Variants in CTNNA3 observed in about 807,000 individuals in gnomAD.
CTNNA3 encodes catenin alpha-3.
A neutral mutation model predicts 95.7 loss-of-function variants in CTNNA3; 76 were observed. That is an observed-to-expected ratio of 0.79 (90% CI 0.66 to 0.96). The LOEUF (loss-of-function observed/expected upper bound fraction) is 0.96, where lower values mean the gene tolerates loss of function less well. Ranked by LOEUF, CTNNA3 falls within the 40% of genes least tolerant of loss-of-function variation. The pLI is 0.00. For missense variants in CTNNA3, 1,191 were observed against 1,089.8 expected, an observed-to-expected ratio of 1.09 and a Z score of -1.31; for synonymous variants, 431 against 374.4, an observed-to-expected ratio of 1.15 and a Z score of -1.74.
rs191477726 is a variant in CTNNA3, at chr10:66,345,644, A to G, written c.1732+33508T>C. On this transcript the variant is annotated intron_variant, in intron 12 of 17. Coordinates refer to ENST00000433211, the MANE Select transcript of CTNNA3 (RefSeq NM_013266.4). ...TATGATTTTAAAGAATAAAGGTGTT[A>G]TTTCACTTGGGTAAGTATTATTTGG... Among the ~76,000 whole-genome samples, 34 of 152,272 alleles carry G rather than the reference A, an allele frequency of 2.2e-4. 1 individual carries two copies. Among genetic ancestry groups the G allele is most frequent in the African/African-American group, 8.2e-4 (34 of 41,574 alleles).
intron 7 of CTNNA3, among the ~76,000 whole-genome samples, chr10:67,046,926 T>A (rs1441153220): frequency 6.6e-6 from 1 of 152,112 alleles, no homozygotes; most frequent in African/African-American, 2.4e-5. Context: ...GAAGAAGAGG[T>A]ACATTAGTAG....
chr10:66,024,102 T>TTTTTTTTTTTTTTTG (rs2079285777), intron 15 of CTNNA3, among the ~76,000 whole-genome samples: 1 of 144,256 alleles, frequency 6.9e-6, no homozygotes, highest in African/African-American at 2.6e-5. Flanking sequence ...TTTTTTTTTT[T>TTTTTTTTTTTTTTTG]TTTTTGAGAC....
At chr10:67,582,057 C>T (rs12265935) in intron 3 of CTNNA3, among the ~76,000 whole-genome samples, 18,365 of 149,860 alleles carry the variant, frequency 0.12, 1,916 homozygotes, top group African/African-American at 0.29. Flanking sequence ...GTCTCTATTT[C>T]CTTCAGTTCT....
intron 4 of CTNNA3, among the ~76,000 whole-genome samples, chr10:67,524,347 G>C: frequency 7.0e-6 from 1 of 142,370 alleles, no homozygotes; most frequent in Non-Finnish European, 1.5e-5. Context: ...GCAATGAGCC[G>C]AGATTGCGCC....
chr10:66,773,900 T>C (rs1461691873), intron 8 of CTNNA3, among the ~76,000 whole-genome samples: 1 of 152,172 alleles, frequency 6.6e-6, no homozygotes, highest in Non-Finnish European at 1.5e-5. Context: ...CTCGGTTACA[T>C]TTGAATTTCA....
chr10:66,833,408 G>C (rs78044275), intron 7 of CTNNA3, among the ~76,000 whole-genome samples: 1 of 152,016 alleles, frequency 6.6e-6, no homozygotes, highest in Non-Finnish European at 1.5e-5. Context: ...CACTGACTAC[G>C]TGCAAATCCT....
At chr10:67,657,393 C>G (rs1840055075) in intron 1 of CTNNA3, among the ~76,000 whole-genome samples, 1 of 152,066 alleles carries the variant, frequency 6.6e-6, no homozygotes, top group Non-Finnish European at 1.5e-5. Flanking sequence ...AAGGTAGATA[C>G]AATGAGACTA....
intron 5 of CTNNA3, among the ~76,000 whole-genome samples, chr10:67,515,526 T>C (rs926560526): frequency 6.6e-6 from 1 of 152,246 alleles, no homozygotes; most frequent in African/African-American, 2.4e-5. Context: ...ATTCAACATT[T>C]TTTATACCTG....
intron 5 of CTNNA3, among the ~76,000 whole-genome samples, chr10:67,294,095 T>C (rs1839941267): frequency 6.6e-6 from 1 of 152,176 alleles, no homozygotes; most frequent in Non-Finnish European, 1.5e-5. Context: ...TTATAGATTC[T>C]ATTTGGAAGG....
At position 66,943,643 on chromosome 10, in the gene CTNNA3, G is replaced by T. The variant is rs145519271; in HGVS notation, c.1048-168119C>A. 9.2e-3 allele frequency among the ~76,000 whole-genome samples: 1,400 copies of T among 151,936 alleles called. 19 individuals are homozygous for T. The highest frequency in any genetic ancestry group is 0.032 in the African/African-American group (1,324 of 41,430). ...TGTTATGTGGTAATAATGGCATCAA[G>T]AATTAAACATGCTACTTAAACATAG... On this transcript the variant is annotated intron_variant, in intron 7 of 17. Coordinates refer to ENST00000433211, the MANE Select transcript of CTNNA3 (RefSeq NM_013266.4).
chr10:66,440,155 C>A (rs918244579), intron 11 of CTNNA3, among the ~76,000 whole-genome samples: 2 of 152,070 alleles, frequency 1.3e-5, no homozygotes, highest in African/African-American at 4.8e-5. Context: ...TATATCTCCA[C>A]TTTAGATATT....
At chr10:66,053,801 G>T (rs903099907) in intron 15 of CTNNA3, among the ~76,000 whole-genome samples, 12 of 151,942 alleles carry the variant, frequency 7.9e-5, no homozygotes, top group Non-Finnish European at 1.8e-4. Context: ...ATTTTGAAAT[G>T]TACAATAAAT....
At chr10:66,862,080 T>A (rs1843956245) in intron 7 of CTNNA3, among the ~76,000 whole-genome samples, 2 of 152,040 alleles carry the variant, frequency 1.3e-5, no homozygotes, top group African/African-American at 4.8e-5. Flanking sequence ...CCAGGTGTGG[T>A]GGCACATGCT....
chr10:67,712,201 G>A (rs190669575), intron 1 of CTNNA3, among the ~76,000 whole-genome samples: 2 of 152,140 alleles, frequency 1.3e-5, no homozygotes, highest in Non-Finnish European at 1.5e-5. Context: ...TATATGACTT[G>A]GGTACTGTTA....
At chr10:67,307,291 T>C (rs1840595391) in intron 5 of CTNNA3, among the ~76,000 whole-genome samples, 2 of 152,194 alleles carry the variant, frequency 1.3e-5, no homozygotes, top group South Asian at 2.1e-4. Context: ...GTAAAGGAAA[T>C]CAACTTGTCA....
chr10:65,977,955 T>C (rs902181845), intron 16 of CTNNA3, among the ~76,000 whole-genome samples: 2 of 152,122 alleles, frequency 1.3e-5, no homozygotes, highest in African/African-American at 4.8e-5. Flanking sequence ...GCACTTGGTG[T>C]TCATGACTTT....
At chr10:67,519,707 G>A (rs918136216) in intron 5 of CTNNA3, among the ~76,000 whole-genome samples, 24 of 152,146 alleles carry the variant, frequency 1.6e-4, no homozygotes, top group Non-Finnish European at 1.5e-5. Flanking sequence ...TCCCAGTGCG[G>A]AATGATAAAT....
intron 5 of CTNNA3, among the ~76,000 whole-genome samples, chr10:67,521,079 C>T (rs1364312656): frequency 6.6e-6 from 1 of 152,142 alleles, no homozygotes; most frequent in Admixed American, 6.5e-5. Context: ...CTGTTCTGAT[C>T]GGAATAAACC....
intron 13 of CTNNA3, among the ~76,000 whole-genome samples, chr10:66,227,331 T>A (rs1034755686): frequency 3.9e-5 from 6 of 152,068 alleles, no homozygotes; most frequent in African/African-American, 7.2e-5. Flanking sequence ...TATGTGGCCT[T>A]TACTGTGTTG....
Sources: allele counts gnomAD v4.1 joint callset (sites outside exome capture counted in the v4.1 genomes callset), GRCh38; gene constraint gnomAD v4.1.1; transcripts MANE v1.5; gene names NCBI Gene and HGNC (gene_info 2026-07-23, HGNC 2026-07-21).